CREB5: variants seen among roughly 807,000 people sequenced by gnomAD.
CREB5 encodes cyclic AMP-responsive element-binding protein 5.
A neutral mutation model predicts 57.1 loss-of-function variants in CREB5; 19 were observed. The observed-to-expected ratio is 0.33, with a 90% CI of 0.23 to 0.49. The LOEUF is 0.49. Among genes scored for constraint, CREB5 ranks in the 20% least tolerant of loss-of-function variants. The pLI, the probability that CREB5 is intolerant of heterozygous loss-of-function variation, is 0.99. For missense variants in CREB5, 579 were observed against 671.6 expected (o/e 0.86, Z 1.52); for synonymous variants, 238 against 238.3 (o/e 1.00, Z 0.01).
rs73302805 is a variant in CREB5 at position 28,601,172 on chromosome 7, T to A, written c.464+30635T>A. On this transcript the variant is annotated intron_variant, in intron 5 of 10. Transcript: ENST00000357727. ...CTTCATTTCCCTTATTATTATTATT[T>A]TTTTTTTTGGAAAGGGGGGCTCCAC... 2.5e-3 allele frequency among the ~76,000 whole-genome samples: 383 copies of A among 151,904 alleles called. 3 individuals carry two copies. The highest frequency in any genetic ancestry group is 7.8e-3 in the African/African-American group (324 of 41,332).
At position 28,823,619 on chromosome 7, in the gene CREB5, G is replaced by A. The variant is rs1441547133; in HGVS notation, c.*4340G>A. 6.6e-6 allele frequency: 1 copy of A among 152,204 alleles called. No homozygotes were observed. The highest frequency in any genetic ancestry group is 6.6e-5 in the Admixed American group (1 of 15,260). 9.4% of individuals were successfully genotyped at this position (152,204 alleles called of 1,614,324 possible). A position where few individuals can be genotyped will look rare whatever the true frequency, so the allele number is the denominator to read the frequency against. ...TTATTTCTGTGTGTTCATTTTTAAA[G>A]TAAGCTCTTTCATTTAGGAAGCAGA... On this transcript the variant is annotated 3_prime_UTR_variant, in exon 11 of 11. Transcript: ENST00000357727.
intron 5 of CREB5, among the ~76,000 whole-genome samples, chr7:28,628,606 G>T (rs533581525): frequency 6.6e-6 from 1 of 152,270 alleles, no homozygotes; most frequent in East Asian, 1.9e-4. Flanking sequence ...TCTACTGTGT[G>T]AGGGTGGGTG....
chr7:28,727,714 G>A (rs1429556298), intron 7 of CREB5, among the ~76,000 whole-genome samples: 1 of 152,164 alleles, frequency 6.6e-6, no homozygotes. Context: ...CCATACACCT[G>A]TCTTGTGTCT....
intron 1 of CREB5, among the ~76,000 whole-genome samples, chr7:28,413,579 C>A (rs75822459): frequency 0.014 from 2,063 of 152,140 alleles, 44 homozygotes; most frequent in Middle Eastern, 0.061. Context: ...AAAATATCTC[C>A]AAGCCCACTA....
At chr7:28,817,647 G>A (rs1378890508) in intron 9 of CREB5, among the ~76,000 whole-genome samples, 1 of 152,156 alleles carries the variant, frequency 6.6e-6, no homozygotes, top group Non-Finnish European at 1.5e-5. Context: ...GTATTGTTCT[G>A]TTTCCCATCT....
At chr7:28,464,710 T>TG (rs1554327269) in intron 1 of CREB5, among the ~76,000 whole-genome samples, 2 of 146,236 alleles carry the variant, frequency 1.4e-5, no homozygotes, top group African/African-American at 5.0e-5. Context: ...AAGTTATTTT[T>TG]AAAAAAAAAA....
Position 28,490,647 on chromosome 7 carries a change from G to A in CREB5, c.75+2401G>A, listed in dbSNP as rs536547618. Among the ~76,000 whole-genome samples, 21 of 152,256 alleles carry A rather than the reference G, an allele frequency of 1.4e-4. No individual in the cohort carries two copies. In the South Asian group the frequency reaches 3.7e-3, roughly 27 times the overall value. ...TGGGTAGCTGTCCTGTGTGTTGTAC[G>A]ACGTTTAGCAGTAACCCTGGCCTCT... On this transcript the variant is annotated intron_variant, in intron 2 of 10. Coordinates refer to ENST00000357727, the MANE Select transcript of CREB5 (RefSeq NM_182898.4).
At chr7:28,389,409 C>T (rs73088562) in intron 1 of CREB5, among the ~76,000 whole-genome samples, 22,261 of 152,102 alleles carry the variant, frequency 0.15, 1,827 homozygotes, top group East Asian at 0.29. Flanking sequence ...CACACGCACA[C>T]TAATCCAGGG....
chr7:28,445,753 G>T (rs112660012), intron 1 of CREB5, among the ~76,000 whole-genome samples: 3 of 151,434 alleles, frequency 2.0e-5, no homozygotes, highest in Non-Finnish European at 4.4e-5. Context: ...GGGTTTCACT[G>T]TGTTAGCCAG....
At chr7:28,676,435 A>G (rs1056320288) in intron 5 of CREB5, among the ~76,000 whole-genome samples, 13 of 152,108 alleles carry the variant, frequency 8.5e-5, no homozygotes, top group African/African-American at 2.7e-4. Flanking sequence ...CAGACACTTA[A>G]TTTCCACTTA....
At chr7:28,373,083 G>A (rs1440291872) in intron 1 of CREB5, among the ~76,000 whole-genome samples, 1 of 152,146 alleles carries the variant, frequency 6.6e-6, no homozygotes, top group Non-Finnish European at 1.5e-5. Context: ...TAAATGCAGC[G>A]TCTGGACTCC....
intron 1 of CREB5, among the ~76,000 whole-genome samples, chr7:28,417,156 G>A (rs1487006969): frequency 6.6e-6 from 1 of 152,098 alleles, no homozygotes; most frequent in Non-Finnish European, 1.5e-5. Context: ...GCACTGTCCG[G>A]TAGTGAGAGC....
chr7:28,661,776 T>G (rs1799621559), intron 5 of CREB5, among the ~76,000 whole-genome samples: 1 of 152,226 alleles, frequency 6.6e-6, no homozygotes, highest in Non-Finnish European at 1.5e-5. Context: ...GATCCCTCTC[T>G]TGCGCTTACA....
At chr7:28,318,283 C>T (rs543888780) in intron 1 of CREB5, among the ~76,000 whole-genome samples, 59 of 152,274 alleles carry the variant, frequency 3.9e-4, no homozygotes, top group African/African-American at 1.3e-3. Flanking sequence ...GTATTATTGA[C>T]GTAGCCAATC....
At chr7:28,560,965 T>TGC (rs1554344532) in intron 4 of CREB5, among the ~76,000 whole-genome samples, 593 of 36,352 alleles carry the variant, frequency 0.016, 81 homozygotes, top group Non-Finnish European at 0.024. Context: ...TGTGTGCGTG[T>TGC]GTGTGTGCGT....
At chr7:28,577,869 C>G (rs59248178) in intron 5 of CREB5, among the ~76,000 whole-genome samples, 9,646 of 152,244 alleles carry the variant, frequency 0.063, 400 homozygotes, top group South Asian at 0.11. Context: ...GGTATAGCTT[C>G]CTCTCTTGAA....
At chr7:28,596,659 A>C (rs994290536) in intron 5 of CREB5, among the ~76,000 whole-genome samples, 1 of 152,182 alleles carries the variant, frequency 6.6e-6, no homozygotes, top group African/African-American at 2.4e-5. Flanking sequence ...GGGCCCTGCT[A>C]GTTAACTGCT....
At position 28,824,612 on chromosome 7, in the gene CREB5, CA is replaced by C. The variant is rs1562670077; in HGVS notation, c.*5339del. On this transcript the variant is annotated 3_prime_UTR_variant, in exon 11 of 11. Transcript: ENST00000357727. ...AACAAACACAAAGAAATTTAAAAAA[CA>C]AAAAACCTAGCTCATCATGTTGTGA... is the stretch of plus-strand genomic sequence containing the variant. 6.6e-6 allele frequency: 1 copy of C among 152,456 alleles called. No individual in the cohort carries two copies. The highest frequency in any genetic ancestry group is 1.9e-4 in the East Asian group (1 of 5,190). 9.4% of individuals were successfully genotyped at this position (152,456 alleles called of 1,614,324 possible). A position where few individuals can be genotyped will look rare whatever the true frequency, so the allele number is the denominator to read the frequency against.
intron 3 of CREB5, among the ~76,000 whole-genome samples, chr7:28,504,198 A>C (rs200389827): frequency 0.025 from 3,823 of 152,298 alleles, 125 homozygotes; most frequent in East Asian, 0.15. Flanking sequence ...TGTTAAAAAA[A>C]GGGGACAGCT....
Sources: allele counts gnomAD v4.1 joint callset (sites outside exome capture counted in the v4.1 genomes callset), GRCh38; gene constraint gnomAD v4.1.1; transcripts MANE v1.5; gene names NCBI Gene and HGNC (gene_info 2026-07-23, HGNC 2026-07-21).